The following TTC23 variants were observed in gnomAD, a reference collection of about 807,000 sequenced individuals.
TTC23 encodes tetratricopeptide repeat protein 23.
A neutral mutation model predicts 55.1 loss-of-function variants in TTC23; 58 were observed. The observed-to-expected ratio is 1.05, with a 90% confidence interval of 0.85 to 1.31. The LOEUF (loss-of-function observed/expected upper bound fraction) is 1.31, where lower values mean the gene tolerates loss of function less well. Ranked by LOEUF, TTC23 falls within the 50% of genes most tolerant of loss-of-function variation. The probability of loss-of-function intolerance (pLI) is 0.00; values close to 1 mark genes in which losing one functional copy is unlikely to be tolerated. For missense variants in TTC23, 516 were observed against 534.4 expected (o/e 0.97, Z 0.34); for synonymous variants, 203 against 199.9 (o/e 1.02, Z -0.13).
intron 4 of TTC23, among the ~76,000 whole-genome samples, chr15:99,229,150 T>TAG (rs927350403): frequency 1.3e-4 from 20 of 152,032 alleles, no homozygotes; most frequent in African/African-American, 4.8e-4. Flanking sequence ...TACATATATA[T>TAG]ATATATATCT....
At chr15:99,165,981 T>C (rs1282883255) in intron 10 of TTC23, among the ~76,000 whole-genome samples, 1 of 152,220 alleles carries the variant, frequency 6.6e-6, no homozygotes, top group Non-Finnish European at 1.5e-5. Context: ...CAATTCTTTT[T>C]AAAAGTAAAG....
intron 9 of TTC23, among the ~76,000 whole-genome samples, chr15:99,180,048 C>T (rs551770778): frequency 6.6e-6 from 1 of 152,304 alleles, no homozygotes; most frequent in Admixed American, 6.5e-5. Flanking sequence ...GAATTACAGG[C>T]ATCCTGCTTG....
At chr15:99,218,297 A>C (rs1695085815) in intron 8 of TTC23, among the ~76,000 whole-genome samples, 1 of 152,130 alleles carries the variant, frequency 6.6e-6, no homozygotes, top group Admixed American at 6.5e-5. Flanking sequence ...GAGGAAGAGA[A>C]GGGTGTAGGG....
intron 9 of TTC23, among the ~76,000 whole-genome samples, chr15:99,183,145 A>G (rs1361909957): frequency 1.3e-5 from 2 of 152,158 alleles, no homozygotes; most frequent in Non-Finnish European, 2.9e-5. Flanking sequence ...AGGACAATGA[A>G]GTCCACGCTG....
At chr15:99,216,840 C>G (rs2077510520) in intron 8 of TTC23, among the ~76,000 whole-genome samples, 1 of 152,094 alleles carries the variant, frequency 6.6e-6, no homozygotes, top group Non-Finnish European at 1.5e-5. Context: ...CAGTACCACC[C>G]CTGGAATATA....
chr15:99,162,388 T>C (rs915367669), intron 10 of TTC23, among the ~76,000 whole-genome samples: 1 of 152,120 alleles, frequency 6.6e-6, no homozygotes, highest in Non-Finnish European at 1.5e-5. Flanking sequence ...AACATACTGG[T>C]TATAATATAA....
chr15:99,236,212 C>T (rs992369997), intron 3 of TTC23, among the ~76,000 whole-genome samples: 2 of 152,104 alleles, frequency 1.3e-5, no homozygotes, highest in African/African-American at 2.4e-5. Context: ...GAGGAAACAT[C>T]GTATTGTTTT....
chr15:99,190,659 A>AAGGC (rs1279032191), intron 9 of TTC23, among the ~76,000 whole-genome samples: 1 of 152,304 alleles, frequency 6.6e-6, no homozygotes, highest in South Asian at 2.1e-4. Flanking sequence ...CCACAAATGA[A>AAGGC]AGGCACTACA....
At chr15:99,162,906 A>T (rs1426115245) in intron 10 of TTC23, among the ~76,000 whole-genome samples, 1 of 152,024 alleles carries the variant, frequency 6.6e-6, no homozygotes, top group Non-Finnish European at 1.5e-5. Flanking sequence ...ATGGCGAAAC[A>T]AAAAATAAAC....
At chr15:99,243,633 T>C (rs2079992981) in intron 2 of TTC23, among the ~76,000 whole-genome samples, 2 of 152,188 alleles carry the variant, frequency 1.3e-5, no homozygotes, top group South Asian at 4.1e-4. Flanking sequence ...GTGGTAGATA[T>C]ACACACAAAA....
intron 9 of TTC23, among the ~76,000 whole-genome samples, chr15:99,197,528 G>A (rs1282498895): frequency 6.6e-6 from 1 of 152,166 alleles, no homozygotes; most frequent in African/African-American, 2.4e-5. Context: ...TTAGCACTAT[G>A]TATCAGGCAC....
intron 6 of TTC23, among the ~76,000 whole-genome samples, chr15:99,219,749 C>T (rs2077763282): frequency 6.6e-6 from 1 of 152,084 alleles, no homozygotes; most frequent in South Asian, 2.1e-4. Context: ...GGGCTTTGCA[C>T]GTCCCTGTAT....
intron 12 of TTC23, among the ~76,000 whole-genome samples, chr15:99,150,366 G>T (rs545267733): frequency 1.3e-5 from 2 of 152,272 alleles, no homozygotes; most frequent in East Asian, 3.9e-4. Flanking sequence ...CTGCTTATTA[G>T]CATTCCCTCC....
At position 99,187,464 on chromosome 15, in the gene TTC23, A is replaced by C. The variant is rs529562946; in HGVS notation, c.760-12309T>G. On this transcript the variant is annotated intron_variant, in intron 9 of 13. Transcript: ENST00000394132. The stretch of plus-strand genomic sequence containing the variant: ...CCAAAAGCACAAGCAAAAAAAAAAA[A>C]AAAACAAAACAAAAGAAACCCAACA... 7.6e-5 allele frequency among the ~76,000 whole-genome samples: 11 copies of C among 145,234 alleles called. No homozygotes were observed. In the East Asian group the frequency reaches 9.8e-4, roughly 13 times the overall value.
chr15:99,221,790 T>G lies in TTC23; in HGVS notation c.255A>C (p.Lys85Asn), dbSNP rs754942989. ...TRICYGDSHW[K>N]LAEAHVNLAQ... The stretch of plus-strand genomic sequence containing the variant: ...CCAGATTAACATGTGCCTCTGCTAG[T>G]TTCCAATGTGAGTCTCCATAGCAAA... Residue 85 changes from lysine (K) to asparagine (N), a missense_variant, in exon 6 of 14, where the codon AAA becomes AAC. Physicochemically the swap from Lys to Asn is moderately conservative, Grantham distance 94. Coordinates refer to ENST00000394132, the MANE Select transcript of TTC23 (RefSeq NM_001288615.3). 4 of 1,614,146 alleles carry G rather than the reference T, an allele frequency of 2.5e-6. No individual in the cohort carries two copies. The East Asian group carries it at 6.7e-5, about 27-fold the overall frequency.
Position 99,161,755 on chromosome 15 carries a change from C to T in TTC23, c.978G>A (p.Met326Ile), listed in dbSNP as rs1226451839. 1.2e-6 allele frequency: 2 copies of T among 1,611,378 alleles called. No homozygotes were observed. The highest frequency in any genetic ancestry group is 1.7e-6 in the Non-Finnish European group (2 of 1,179,284). ...IQDEFCHFLQ[M>I]TGQKERATSI... ...ACTCACTTACCTCTTTTTGTCCAGT[C>T]ATTTGTAGAAAATGGCAAAATTCAT... Residue 326 changes from methionine (M) to isoleucine (I), a missense_variant, in exon 11 of 14, where the codon ATG (methionine) becomes ATA (isoleucine). By Grantham distance (10) the Met-to-Ile change is conservative (BLOSUM62 1). Coordinates refer to ENST00000394132, the MANE Select transcript of TTC23 (RefSeq NM_001288615.3).
chr15:99,207,350 G>C (rs1261948600), intron 8 of TTC23, among the ~76,000 whole-genome samples: 3 of 152,110 alleles, frequency 2.0e-5, no homozygotes. Flanking sequence ...AATGCAAATA[G>C]CTCAATAGCA....
At chr15:99,170,220 A>G (rs938161811) in intron 10 of TTC23, among the ~76,000 whole-genome samples, 3 of 152,270 alleles carry the variant, frequency 2.0e-5, no homozygotes, top group Admixed American at 6.5e-5. Flanking sequence ...TTTTGTCTGC[A>G]TAAGGAATAC....
chr15:99,226,803 C>G (rs1307868327), intron 5 of TTC23, among the ~76,000 whole-genome samples: 1 of 152,156 alleles, frequency 6.6e-6, no homozygotes, highest in Non-Finnish European at 1.5e-5. Context: ...CCTCCCTGAT[C>G]ACCCTACCCA....
Sources: allele counts gnomAD v4.1 joint callset (sites outside exome capture counted in the v4.1 genomes callset), GRCh38; gene constraint gnomAD v4.1.1; transcripts MANE v1.5; gene names NCBI Gene and HGNC (gene_info 2026-07-23, HGNC 2026-07-21).